The following NEK6 variants were observed in gnomAD, a reference collection of about 807,000 sequenced individuals.
NEK6 encodes the protein NIMA related kinase 6.
A neutral mutation model predicts 43.5 loss-of-function variants in NEK6; 27 were observed. The observed-to-expected ratio is 0.62, with a 90% CI of 0.46 to 0.86. The LOEUF (loss-of-function observed/expected upper bound fraction) is 0.86, where lower values mean the gene tolerates loss of function less well. NEK6 is among the 40% of genes least tolerant of loss of function. The pLI, the probability that NEK6 is intolerant of heterozygous loss-of-function variation, is 0.00. For missense variants in NEK6, 318 were observed against 414.4 expected, an observed-to-expected ratio of 0.77 and a Z score of 2.02; for synonymous variants, 167 against 164.1, an observed-to-expected ratio of 1.02 and a Z score of -0.14.
chr9:124,315,917 G>A (rs952032157), intron 4 of NEK6, among the ~76,000 whole-genome samples: 1 of 152,248 alleles, frequency 6.6e-6, no homozygotes, highest in Non-Finnish European at 1.5e-5. Context: ...TGTAAAGGGG[G>A]CATGATGACA....
At chr9:124,311,538 T>C (rs1388305745) in intron 2 of NEK6, among the ~76,000 whole-genome samples, 1 of 152,176 alleles carries the variant, frequency 6.6e-6, no homozygotes, top group East Asian at 1.9e-4. Flanking sequence ...TCCTGGCCAC[T>C]GTGGTCTCAC....
intron 1 of NEK6, among the ~76,000 whole-genome samples, chr9:124,280,038 T>A (rs1831825495): frequency 6.6e-6 from 1 of 152,260 alleles, no homozygotes; most frequent in Non-Finnish European, 1.5e-5. Flanking sequence ...GGCCCATCCC[T>A]GGGTCACACT....
intron 1 of NEK6, among the ~76,000 whole-genome samples, chr9:124,276,422 A>G (rs1305566202): frequency 6.6e-6 from 1 of 152,178 alleles, no homozygotes; most frequent in Non-Finnish European, 1.5e-5. Context: ...GCTTGGGAGC[A>G]GGGTGAGGCC....
intron 8 of NEK6, among the ~76,000 whole-genome samples, chr9:124,342,140 C>G (rs542717403): frequency 6.6e-6 from 1 of 152,310 alleles, no homozygotes; most frequent in African/African-American, 2.4e-5. Flanking sequence ...CCCGGCTGTC[C>G]CTGGGCTCAG....
In NEK6 at chr9:124,269,107, C is replaced by T. The variant is rs148089242; in HGVS notation, c.-30+11022C>T. 5.1e-3 allele frequency among the ~76,000 whole-genome samples: 771 copies of T among 152,268 alleles called. 10 individuals are homozygous for T. Among genetic ancestry groups the T allele is most frequent in the African/African-American group, 0.018 (734 of 41,542 alleles). ...AGCGCTTGCCGAGTGCTGTACCCTT[C>T]ACTGATACCATGTCATTGAATCATC... On this transcript the variant is annotated intron_variant, in intron 1 of 9. Transcript: ENST00000320246.
At chr9:124,330,975 T>C (rs961070621) in intron 7 of NEK6, among the ~76,000 whole-genome samples, 3 of 152,144 alleles carry the variant, frequency 2.0e-5, no homozygotes, top group Non-Finnish European at 4.4e-5. Context: ...ATTTTGTTTT[T>C]TCGTTGGCCA....
At chr9:124,269,452 C>T (rs2118905685) in intron 1 of NEK6, among the ~76,000 whole-genome samples, 1 of 152,136 alleles carries the variant, frequency 6.6e-6, no homozygotes, top group East Asian at 1.9e-4. Flanking sequence ...TGGCTTACCG[C>T]AACCTCTGCC....
chr9:124,307,310 C>T (rs1209012805), intron 2 of NEK6, among the ~76,000 whole-genome samples: 2 of 151,996 alleles, frequency 1.3e-5, no homozygotes, highest in African/African-American at 4.8e-5. Context: ...ATCCTCCCTG[C>T]CCCCCAGTCT....
chr9:124,346,667 A>G (rs1829943608), intron 8 of NEK6, among the ~76,000 whole-genome samples: 1 of 152,122 alleles, frequency 6.6e-6, no homozygotes, highest in Admixed American at 6.5e-5. Flanking sequence ...TAATGGGGCC[A>G]GCAGGTGCCA....
chr9:124,325,478 T>C (rs1036990986), intron 5 of NEK6, among the ~76,000 whole-genome samples: 35 of 152,188 alleles, frequency 2.3e-4, no homozygotes, highest in Admixed American at 7.9e-4. Context: ...TCTGCCTGCT[T>C]TGGGGAAAGG....
At chr9:124,268,826 G>A (rs984549849) in intron 1 of NEK6, among the ~76,000 whole-genome samples, 1 of 152,204 alleles carries the variant, frequency 6.6e-6, no homozygotes, top group Admixed American at 6.5e-5. Context: ...TTCTGAAAAT[G>A]AAGCCCAAAT....
intron 1 of NEK6, among the ~76,000 whole-genome samples, chr9:124,290,788 C>T: frequency 6.6e-6 from 1 of 152,218 alleles, no homozygotes; most frequent in East Asian, 1.9e-4. Flanking sequence ...TCTGGGCCAC[C>T]TCAGGTTTTC....
chr9:124,316,877 C>T (rs1161241678), intron 4 of NEK6, among the ~76,000 whole-genome samples: 1 of 152,196 alleles, frequency 6.6e-6, no homozygotes, highest in Non-Finnish European at 1.5e-5. Flanking sequence ...GCTTTACTTC[C>T]TACCCAACCC....
chr9:124,311,143 G>A (rs1833507311), intron 2 of NEK6, among the ~76,000 whole-genome samples: 1 of 152,180 alleles, frequency 6.6e-6, no homozygotes, highest in Admixed American at 6.5e-5. Flanking sequence ...AGGTGGGGAA[G>A]CAGCTGTCAG....
Position 124,327,496 on chromosome 9 carries a change from A to C in NEK6, c.622+51A>C, listed in dbSNP as rs748741. On this transcript the variant is annotated intron_variant, in intron 7 of 9. Transcript: ENST00000320246. ...GCAGCCCCCAGCGGTCCTGGTGACC[A>C]TGCAGGGAGACGCAAACATTCTCCC... is the stretch of plus-strand genomic sequence containing the variant. 5.0e-6 allele frequency: 7 copies of C among 1,410,574 alleles called. No homozygotes were observed. In the African/African-American group the frequency reaches 8.5e-5, roughly 17 times the overall value. The allele number at this position is 1,410,574 out of a possible 1,614,324, so 87.4% of individuals were successfully genotyped here.
At chr9:124,294,078 G>T (rs1057107588) in intron 1 of NEK6, among the ~76,000 whole-genome samples, 7 of 152,234 alleles carry the variant, frequency 4.6e-5, no homozygotes, top group Admixed American at 1.3e-4. Context: ...GAAGTGCCAA[G>T]ACTATGGCTG....
chr9:124,288,263 C>T (rs1832249176), intron 1 of NEK6, among the ~76,000 whole-genome samples: 1 of 152,154 alleles, frequency 6.6e-6, no homozygotes, highest in African/African-American at 2.4e-5. Context: ...TGGCAGTACC[C>T]ACATTGATTG....
At chr9:124,317,619 G>A (rs910539630) in intron 4 of NEK6, among the ~76,000 whole-genome samples, 12 of 152,280 alleles carry the variant, frequency 7.9e-5, no homozygotes, top group African/African-American at 2.9e-4. Flanking sequence ...TTCTGATCCC[G>A]TCACGCAGAT....
chr9:124,336,516 G>C (rs758571682), intron 7 of NEK6, among the ~76,000 whole-genome samples: 2 of 152,136 alleles, frequency 1.3e-5, no homozygotes, highest in Non-Finnish European at 2.9e-5. Context: ...GGTGCCTTCT[G>C]AGTCCAGCCC....
Sources: gnomAD v4.1 joint callset for allele counts (sites outside exome capture counted in the v4.1 genomes callset) on GRCh38, gnomAD v4.1.1 for gene constraint, MANE v1.5 for transcripts, NCBI Gene and HGNC (gene_info 2026-07-23, HGNC 2026-07-21) for gene names.